The following XRCC4 variants were observed in gnomAD, a reference collection of about 807,000 sequenced individuals.
XRCC4 encodes X-ray repair cross complementing 4, also known as DNA repair protein XRCC4.
XRCC4 carries 28 observed loss-of-function variants against 39.1 expected under a neutral mutation model. That is an observed-to-expected ratio of 0.72 (90% CI 0.53 to 0.98). The LOEUF is 0.98. Ranked by LOEUF, XRCC4 falls within the 50% of genes least tolerant of loss-of-function variation. The pLI, the probability that XRCC4 is intolerant of heterozygous loss-of-function variation, is 0.00. For missense variants in XRCC4, 350 were observed against 376.4 expected, an observed-to-expected ratio of 0.93 and a Z score of 0.58; for synonymous variants, 123 against 126.4, an observed-to-expected ratio of 0.97 and a Z score of 0.18.
At chr5:83,133,442 A>G (rs1435104492) in intron 3 of XRCC4, among the ~76,000 whole-genome samples, 1 of 152,192 alleles carries the variant, frequency 6.6e-6, no homozygotes, top group Admixed American at 6.5e-5. Context: ...TTAATTGTGC[A>G]GAAGTTTCTG....
At chr5:83,151,852 C>A (rs1050826155) in intron 3 of XRCC4, among the ~76,000 whole-genome samples, 1 of 152,234 alleles carries the variant, frequency 6.6e-6, no homozygotes, top group African/African-American at 2.4e-5. Context: ...GAAGGTTTAA[C>A]TTTTATTATA....
the XRCC4 span, among the ~76,000 whole-genome samples, chr5:83,368,948 G>A: frequency 6.6e-6 from 1 of 152,068 alleles, no homozygotes. Context: ...ACAGAAAAAT[G>A]GCCCCTTTTG....
chr5:83,094,621 C>T (rs1292988620), intron 1 of XRCC4, among the ~76,000 whole-genome samples: 1 of 151,002 alleles, frequency 6.6e-6, no homozygotes, highest in Non-Finnish European at 1.5e-5. Context: ...TCAAACTTTT[C>T]ATTTTGTTCA....
intron 3 of XRCC4, among the ~76,000 whole-genome samples, chr5:83,176,708 C>T (rs1388429120): frequency 6.6e-6 from 1 of 151,682 alleles, no homozygotes; most frequent in Non-Finnish European, 1.5e-5. Flanking sequence ...CTGCAGCCTC[C>T]ACTTTCAGCC....
At chr5:83,086,655 A>G (rs891094454) in intron 1 of XRCC4, among the ~76,000 whole-genome samples, 1 of 152,150 alleles carries the variant, frequency 6.6e-6, no homozygotes, top group Non-Finnish European at 1.5e-5. Flanking sequence ...GGAGAGGTGG[A>G]CACAGTTGGT....
intron 7 of XRCC4, among the ~76,000 whole-genome samples, chr5:83,294,359 CA>C (rs936926831): frequency 6.6e-6 from 1 of 151,782 alleles, no homozygotes; most frequent in African/African-American, 2.4e-5. Context: ...GTATTTTGAA[CA>C]AAAAATATAA....
At chr5:83,102,543 T>C (rs1469656663) in intron 1 of XRCC4, among the ~76,000 whole-genome samples, 4 of 151,864 alleles carry the variant, frequency 2.6e-5, no homozygotes, top group African/African-American at 9.7e-5. Flanking sequence ...GAGATCAGAG[T>C]TGGAAACTTT....
chr5:83,134,532 G>C (rs1747784617), intron 3 of XRCC4, among the ~76,000 whole-genome samples: 1 of 152,138 alleles, frequency 6.6e-6, no homozygotes, highest in Admixed American at 6.5e-5. Flanking sequence ...TCAGCTCTCT[G>C]TAAAACGTAC....
intron 7 of XRCC4, among the ~76,000 whole-genome samples, chr5:83,266,511 G>A (rs185810433): frequency 2.6e-5 from 4 of 151,644 alleles, no homozygotes; most frequent in African/African-American, 9.7e-5. Context: ...AATCAGATAT[G>A]AGAATAAAAG....
chr5:83,290,231 A>G (rs893049047), intron 7 of XRCC4, among the ~76,000 whole-genome samples: 1 of 151,792 alleles, frequency 6.6e-6, no homozygotes. Context: ...TTAGGGTAGG[A>G]GAAAAGATTA....
intron 3 of XRCC4, among the ~76,000 whole-genome samples, chr5:83,122,287 C>T (rs1443246777): frequency 6.6e-6 from 1 of 152,098 alleles, no homozygotes; most frequent in Non-Finnish European, 1.5e-5. Flanking sequence ...AGCCTTCTGA[C>T]TCATAAATAT....
intron 7 of XRCC4, among the ~76,000 whole-genome samples, chr5:83,318,426 C>A (rs1249977513): frequency 2.6e-5 from 3 of 113,386 alleles, no homozygotes; most frequent in African/African-American, 1.4e-4. Flanking sequence ...TCCCTGTTTG[C>A]AGACGACATG....
intron 1 of XRCC4, among the ~76,000 whole-genome samples, chr5:83,086,500 GA>G (rs1298311514): frequency 6.6e-6 from 1 of 152,188 alleles, no homozygotes; most frequent in Non-Finnish European, 1.5e-5. Flanking sequence ...TCATTAAGTG[GA>G]AGTCGATCAT....
At chr5:83,328,466 C>G (rs1017637073) in intron 7 of XRCC4, among the ~76,000 whole-genome samples, 4 of 152,080 alleles carry the variant, frequency 2.6e-5, no homozygotes, top group African/African-American at 9.7e-5. Context: ...CATTTCTATA[C>G]ATCAGCATCA....
intron 6 of XRCC4, among the ~76,000 whole-genome samples, chr5:83,227,367 A>G (rs1752330180): frequency 6.6e-6 from 1 of 152,154 alleles, no homozygotes; most frequent in Non-Finnish European, 1.5e-5. Context: ...ATGGACGATT[A>G]TGTAATATAC....
At chr5:83,239,273 G>GT (rs1752810685) in intron 6 of XRCC4, among the ~76,000 whole-genome samples, 1 of 152,202 alleles carries the variant, frequency 6.6e-6, no homozygotes, top group South Asian at 2.1e-4. Context: ...GGAGTGCAAA[G>GT]TAGCAAGTGT....
chr5:83,101,428 A>G (rs377730993), intron 1 of XRCC4, among the ~76,000 whole-genome samples: 144 of 152,264 alleles, frequency 9.5e-4, no homozygotes, highest in African/African-American at 3.2e-3. Context: ...TTCTAGAGTG[A>G]TTTACCAGAA....
intron 7 of XRCC4, among the ~76,000 whole-genome samples, chr5:83,313,076 TC>T (rs1755759885): frequency 1.1e-5 from 1 of 92,742 alleles, no homozygotes; most frequent in Non-Finnish European, 2.5e-5. Flanking sequence ...TCTTTTCTTT[TC>T]TTTCTTTTTT....
intron 7 of XRCC4, among the ~76,000 whole-genome samples, chr5:83,270,759 G>GA (rs145444849): frequency 0.043 from 5,987 of 139,946 alleles, 348 homozygotes; most frequent in African/African-American, 0.14. Flanking sequence ...TCATTTTTTC[G>GA]AAAAAAAAAA....
Sources: gnomAD v4.1 joint callset for allele counts (sites outside exome capture counted in the v4.1 genomes callset) on GRCh38, gnomAD v4.1.1 for gene constraint, MANE v1.5 for transcripts, NCBI Gene and HGNC (gene_info 2026-07-23, HGNC 2026-07-21) for gene names.